Variants in GRIK4 observed in about 807,000 individuals in gnomAD.
GRIK4 encodes glutamate receptor ionotropic, kainate 4.
In GRIK4, 40 loss-of-function variants were observed where a neutral mutation model predicts 104.9. The ratio of observed to expected loss-of-function variants is 0.38; its 90% CI spans 0.30 to 0.50. GRIK4 has a LOEUF of 0.50. GRIK4 is among the 20% of genes least tolerant of loss of function. The pLI, the probability that GRIK4 is intolerant of heterozygous loss-of-function variation, is 0.93. For missense variants in GRIK4, 1,047 were observed against 1,308.1 expected, an observed-to-expected ratio of 0.80 and a Z score of 3.08; for synonymous variants, 485 against 524.9, an observed-to-expected ratio of 0.92 and a Z score of 1.04.
At chr11:120,696,942 C>T (rs927803293) in intron 3 of GRIK4, among the ~76,000 whole-genome samples, 1 of 152,214 alleles carries the variant, frequency 6.6e-6, no homozygotes, top group African/African-American at 2.4e-5. Context: ...TGTTGTGGGG[C>T]AGCCCCATGT....
At chr11:120,766,631 A>T (rs1951845016) in intron 3 of GRIK4, among the ~76,000 whole-genome samples, 3 of 152,132 alleles carry the variant, frequency 2.0e-5, no homozygotes, top group Admixed American at 2.0e-4. Context: ...AGACCATGGG[A>T]AAAGCGTAGT....
chr11:120,938,005 G>A (rs474867), intron 13 of GRIK4, among the ~76,000 whole-genome samples: 22,627 of 152,076 alleles, frequency 0.15, 1,733 homozygotes, highest in Middle Eastern at 0.25. Context: ...TGGATGCCAC[G>A]TTTACCTCAT....
intron 3 of GRIK4, among the ~76,000 whole-genome samples, chr11:120,734,791 G>T (rs1237225011): frequency 6.6e-6 from 1 of 151,906 alleles, no homozygotes; most frequent in Non-Finnish European, 1.5e-5. Context: ...CCTCCTTCTG[G>T]TTGATCAATT....
At chr11:120,597,112 C>T (rs540611594) in intron 1 of GRIK4, among the ~76,000 whole-genome samples, 9 of 152,326 alleles carry the variant, frequency 5.9e-5, no homozygotes, top group Non-Finnish European at 8.8e-5. Context: ...GCTTAGTCAA[C>T]GGCTGCTCCC....
intron 3 of GRIK4, among the ~76,000 whole-genome samples, chr11:120,770,118 T>C (rs1203818084): frequency 6.6e-6 from 1 of 152,202 alleles, no homozygotes; most frequent in South Asian, 2.1e-4. Flanking sequence ...TAAGTAGTCA[T>C]TGAAACACTT....
At chr11:120,722,641 T>C (rs2135378450) in intron 3 of GRIK4, among the ~76,000 whole-genome samples, 1 of 152,118 alleles carries the variant, frequency 6.6e-6, no homozygotes, top group Non-Finnish European at 1.5e-5. Flanking sequence ...TTGGGGCTTT[T>C]CCAAAGAGAC....
intron 3 of GRIK4, among the ~76,000 whole-genome samples, chr11:120,787,143 CT>C (rs144604451): frequency 0.24 from 36,627 of 151,492 alleles, 4,976 homozygotes; most frequent in African/African-American, 0.37. Flanking sequence ...CATAGTAGGA[CT>C]CTTTTTTTTT....
chr11:120,917,900 A>C lies in GRIK4; in HGVS notation c.1476+12407A>C, dbSNP rs1440998948. 2.0e-5 allele frequency among the ~76,000 whole-genome samples: 3 copies of C among 152,220 alleles called. No individual in the cohort carries two copies. In the East Asian group the frequency reaches 5.8e-4, roughly 29 times the overall value. On this transcript the variant is annotated intron_variant, in intron 13 of 20. Coordinates refer to ENST00000527524, the MANE Select transcript of GRIK4 (RefSeq NM_014619.5). ...GTGAAGGGTCTGCAAAGGAAATGAA[A>C]ATGTATTAATTAAGGCATCTGAAAG...
At chr11:120,873,999 C>T (rs964332892) in intron 9 of GRIK4, 67 bp from the exon 10 acceptor site, 20 of 1,366,674 alleles carry the variant, frequency 1.5e-5, no homozygotes, top group East Asian at 2.4e-5. Context: ...TTATTTTCTC[C>T]CTCCCCTCCC....
At chr11:120,602,242 G>C (rs1688327377) in intron 1 of GRIK4, among the ~76,000 whole-genome samples, 1 of 152,272 alleles carries the variant, frequency 6.6e-6, no homozygotes, top group African/African-American at 2.4e-5. Context: ...TCTCTAAAAT[G>C]ATAAAAAGGT....
intron 3 of GRIK4, among the ~76,000 whole-genome samples, chr11:120,722,396 A>G (rs1950948471): frequency 6.6e-6 from 1 of 152,076 alleles, no homozygotes; most frequent in Admixed American, 6.5e-5. Flanking sequence ...AGGCAGGTGG[A>G]TCACTTGAGG....
At chr11:120,736,886 C>G (rs1032280403) in intron 3 of GRIK4, among the ~76,000 whole-genome samples, 13 of 151,856 alleles carry the variant, frequency 8.6e-5, no homozygotes, top group Non-Finnish European at 1.9e-4. Context: ...ATACCATTTC[C>G]CATTGAAAGA....
At position 120,982,127 on chromosome 11, in the gene GRIK4, G is replaced by T; in HGVS notation, c.2417G>T (p.Gly806Val). ...RAKGLGMENI[G>V]GIFVVLICGL... ...ACAGGCCTGGGAATGGAGAATATTG[G>T]TGGAATCTTTGTGGTTCTTATTTGT... The change falls in exon 20 of 21, where the codon GGT (glycine) becomes GTT (valine). Residue 806 changes from glycine (G) to valine (V), a missense_variant. By Grantham distance (109) the Gly-to-Val change is moderately radical. This residue lies in a region of GRIK4 where 440 missense variants were observed against 652.3 expected (regional missense o/e 0.67). Coordinates refer to ENST00000527524, the MANE Select transcript of GRIK4 (RefSeq NM_014619.5). 6.2e-7 allele frequency: 1 copy of T among 1,610,264 alleles called. No homozygotes were observed. The highest frequency in any genetic ancestry group is 8.5e-7 in the Non-Finnish European group (1 of 1,176,512).
chr11:120,751,900 A>T (rs1265340853), intron 3 of GRIK4, among the ~76,000 whole-genome samples: 2 of 152,054 alleles, frequency 1.3e-5, no homozygotes, highest in Non-Finnish European at 2.9e-5. Context: ...CTGCTGTGGT[A>T]TGTCGGGAGG....
intron 3 of GRIK4, among the ~76,000 whole-genome samples, chr11:120,796,116 G>A (rs2155260): frequency 0.21 from 30,731 of 149,670 alleles, 6,714 homozygotes; most frequent in African/African-American, 0.56. Flanking sequence ...GCTCACTGCA[G>A]GCTCTGCCTC....
At chr11:120,594,979 G>A (rs916373252) in intron 1 of GRIK4, among the ~76,000 whole-genome samples, 2 of 152,206 alleles carry the variant, frequency 1.3e-5, no homozygotes, top group Non-Finnish European at 2.9e-5. Context: ...TCCACATACC[G>A]AGGAAGGCAG....
At chr11:120,922,266 A>G (rs1565440574) in intron 13 of GRIK4, among the ~76,000 whole-genome samples, 1 of 152,246 alleles carries the variant, frequency 6.6e-6, no homozygotes, top group Non-Finnish European at 1.5e-5. Context: ...CTTGTTCAAG[A>G]TCACGTGGCT....
chr11:120,868,255 A>G (rs1954479932), intron 9 of GRIK4: 1 of 152,218 alleles, frequency 6.6e-6, no homozygotes, highest in Non-Finnish European at 1.5e-5. Flanking sequence ...AACAATTTGC[A>G]AACAGCTCAA....
intron 5 of GRIK4, among the ~76,000 whole-genome samples, chr11:120,816,293 G>A (rs1952956221): frequency 6.6e-6 from 1 of 151,988 alleles, no homozygotes; most frequent in Non-Finnish European, 1.5e-5. Flanking sequence ...ATATATCCTC[G>A]GGAGACAGTG....
Sources: allele counts gnomAD v4.1 joint callset (sites outside exome capture counted in the v4.1 genomes callset), GRCh38; gene constraint gnomAD v4.1.1; regional missense constraint gnomAD v4.1.1; transcripts MANE v1.5; gene names NCBI Gene and HGNC (gene_info 2026-07-23, HGNC 2026-07-21).